The following THY1 variants were observed in gnomAD, a reference collection of about 807,000 sequenced individuals.
THY1 encodes thy-1 membrane glycoprotein.
In THY1, 10 loss-of-function variants were observed where a neutral mutation model predicts 14.9. The observed-to-expected ratio is 0.67, with a 90% CI of 0.41 to 1.14. The LOEUF (loss-of-function observed/expected upper bound fraction) is 1.14, where lower values mean the gene tolerates loss of function less well. Ranked by LOEUF, THY1 falls within the 50% of genes most tolerant of loss-of-function variation. The probability of loss-of-function intolerance (pLI) is 0.00; values close to 1 mark genes in which losing one functional copy is unlikely to be tolerated. For missense variants in THY1, 159 were observed against 202.1 expected (o/e 0.79, Z 1.29); for synonymous variants, 80 against 90.0 (o/e 0.89, Z 0.63).
At chr11:119,421,992 G>A (rs1313168569) in intron 1 of THY1, 1 of 152,258 alleles carries the variant, frequency 6.6e-6, no homozygotes, top group African/African-American at 2.4e-5. Context: ...AGGCGACGCG[G>A]AGCCGGTAGT....
At position 119,419,325 on chromosome 11, in the gene THY1, G is replaced by T. The variant is rs1462723561; in HGVS notation, c.*83C>A. 3.2e-6 allele frequency: 4 copies of T among 1,253,888 alleles called. No homozygotes were observed. Among genetic ancestry groups the T allele is most frequent in the African/African-American group, 3.0e-5 (2 of 67,576 alleles). The allele number at this position is 1,253,888 out of a possible 1,614,324, so 77.7% of individuals were successfully genotyped here. A position where few individuals can be genotyped will look rare whatever the true frequency, so the allele number is the denominator to read the frequency against. On this transcript the variant is annotated 3_prime_UTR_variant, in exon 4 of 4. Coordinates refer to ENST00000284240, the MANE Select transcript of THY1 (RefSeq NM_006288.5). The stretch of plus-strand genomic sequence containing the variant: ...TTCTCCTCAAGGTTTGAGGGATTGG[G>T]GGGAGGGGGTCAGCTGACTCAGAGA...
At chr11:119,423,010 T>A in intron 1 of THY1, 103 bp downstream of exon 1, 2 of 455,560 alleles carry the variant, frequency 4.4e-6, no homozygotes, top group South Asian at 1.6e-5. Flanking sequence ...CCTTCTTCCC[T>A]GGGCGCCCTC....
At position 119,420,361 on chromosome 11, in the gene THY1, C is replaced by A; in HGVS notation, c.63G>T (p.Lys21Asn). Reference protein sequence around the residue: ...LTVLQVSRGQKVTSLTACLVD... With the variant: ...LTVLQVSRGQNVTSLTACLVD... ...CTAGGCAGGCCGTTAGGCTGGTCAC[C>A]TTCTGCCCTCGGGAGACCTGCAAGA... The change falls in exon 3 of 4, where the codon AAG becomes AAT. Residue 21 changes from lysine to asparagine, a missense_variant. Physicochemically the swap from Lys to Asn is moderately conservative, Grantham distance 94 (BLOSUM62 0). Transcript: ENST00000284240. 6.2e-7 allele frequency: 1 copy of A among 1,613,314 alleles called. No homozygotes were observed. The highest frequency in any genetic ancestry group is 8.5e-7 in the Non-Finnish European group (1 of 1,179,828).
rs1861811228 is a variant in THY1, at chr11:119,418,018, T to G, written c.*1390A>C. 2 of 152,280 alleles carry G rather than the reference T, an allele frequency of 1.3e-5. No individual in the cohort carries two copies. The highest frequency in any genetic ancestry group is 4.1e-4 in the South Asian group (2 of 4,834). The allele number at this position is 152,280 out of a possible 1,614,324, so 9.4% of individuals were successfully genotyped here. On this transcript the variant is annotated 3_prime_UTR_variant, in exon 4 of 4. Coordinates refer to ENST00000284240, the MANE Select transcript of THY1 (RefSeq NM_006288.5). The stretch of plus-strand genomic sequence containing the variant: ...GGTCATTCTGAAAAGAAGCCCAGTG[T>G]GCAGTCATTAGCCCCTGGGGTAGCG...
Position 119,416,417 on chromosome 11 carries a change from T to A in THY1, c.*2991A>T, listed in dbSNP as rs1861779092. 6.6e-6 allele frequency among the ~76,000 whole-genome samples: 1 copy of A among 152,244 alleles called. No homozygotes were observed. Among genetic ancestry groups the A allele is most frequent in the South Asian group, 2.1e-4 (1 of 4,834 alleles). On this transcript the variant is annotated 3_prime_UTR_variant, in exon 4 of 4. Transcript: ENST00000284240. ...GGAGGGACCCACGGCTGTCGCGGCC[T>A]GTGGCTGAAAGTCTGCGGGCTCCCA...
chr11:119,423,205 G>A (rs1020866165), upstream of THY1: 2 of 454,316 alleles, frequency 4.4e-6, no homozygotes, highest in Admixed American at 4.7e-5. Flanking sequence ...TTTTCACCGG[G>A]GATGGAGGAG....
rs1861945421 is a variant in THY1, at chr11:119,423,128, C to G, written c.-40G>C. On this transcript the variant is annotated 5_prime_UTR_variant, in exon 1 of 4. Coordinates refer to ENST00000284240, the MANE Select transcript of THY1 (RefSeq NM_006288.5). ...CAGTTCCCACCTGGACTGGGGTCTT[C>G]CGCTGCTGCAGCCTCCTCCAGACGC... 2.2e-6 allele frequency: 1 copy of G among 456,144 alleles called. No individual in the cohort carries two copies. Among genetic ancestry groups the G allele is most frequent in the Non-Finnish European group, 4.4e-6 (1 of 226,902 alleles). 28.3% of individuals were successfully genotyped at this position (456,144 alleles called of 1,614,324 possible). A position where few individuals can be genotyped will look rare whatever the true frequency, so the allele number is the denominator to read the frequency against.
intron 2 of THY1, 21 bp downstream of exon 2, chr11:119,420,848 G>C: frequency 6.2e-7 from 1 of 1,614,134 alleles, no homozygotes; most frequent in Non-Finnish European, 8.5e-7. Context: ...TGGAGCCCCA[G>C]TCCTGCCCCA....
At chr11:119,419,789 T>C in intron 3 of THY1, 1 of 600,418 alleles carries the variant, frequency 1.7e-6, no homozygotes, top group Non-Finnish European at 2.9e-6. Context: ...ATCCCTGTTT[T>C]CCCGCTGGGA....
At position 119,417,007 on chromosome 11, in the gene THY1, G is replaced by A. The variant is rs1861790707; in HGVS notation, c.*2401C>T. Among the ~76,000 whole-genome samples, 2 of 152,234 alleles carry A rather than the reference G, an allele frequency of 1.3e-5. No homozygotes were observed. Among genetic ancestry groups the A allele is most frequent in the Admixed American group, 1.3e-4 (2 of 15,274 alleles). ...AAGACCCCATAGGAAGTGTCACACA[G>A]GTGCGAGGCTTCACACAGTGCCGCT... On this transcript the variant is annotated 3_prime_UTR_variant, in exon 4 of 4. Coordinates refer to ENST00000284240, the MANE Select transcript of THY1 (RefSeq NM_006288.5).
intron 2 of THY1, 40 bp from the exon 3 acceptor site, chr11:119,420,426 C>G: frequency 6.5e-7 from 1 of 1,543,692 alleles, no homozygotes; most frequent in Non-Finnish European, 8.7e-7. Flanking sequence ...GAGGGGCCTG[C>G]GGCACAGGGG....
At chr11:119,424,048 T>A (rs1186802343), upstream of THY1, 2 of 152,344 alleles carry the variant, frequency 1.3e-5, no homozygotes, top group African/African-American at 2.4e-5. Context: ...GGCTGGTAAG[T>A]GGGAGAGCTG....
At position 119,416,304 on chromosome 11, in the gene THY1, G is replaced by C. The variant is rs1861775618; in HGVS notation, c.*3104C>G. ...GGGATGGGGTTGGGGCATGTGTACAGGAACCAGGGCTGGGGGCCAGCCCTC... is the reference window on the plus strand; with the variant it reads ...GGGATGGGGTTGGGGCATGTGTACACGAACCAGGGCTGGGGGCCAGCCCTC... On this transcript the variant is annotated 3_prime_UTR_variant, in exon 4 of 4. Coordinates refer to ENST00000284240, the MANE Select transcript of THY1 (RefSeq NM_006288.5). Among the ~76,000 whole-genome samples the C allele has an allele frequency of 6.6e-6, 1 of 152,084 alleles. No individual in the cohort carries two copies. Among genetic ancestry groups the C allele is most frequent in the African/African-American group, 2.4e-5 (1 of 41,408 alleles).
At chr11:119,419,726 T>C (rs1398302077) in intron 3 of THY1, 2 of 606,648 alleles carry the variant, frequency 3.3e-6, no homozygotes, top group Non-Finnish European at 6.0e-6. Context: ...TATCATCTTA[T>C]GAAAACCTTA....
In THY1 at chr11:119,419,443, A is replaced by C; in HGVS notation, c.451T>G (p.Ser151Ala). Residue 151 changes from serine (S) to alanine (A), a missense_variant, in exon 4 of 4, where the codon TCC becomes GCC. Ser to Ala is a moderately conservative substitution (Grantham distance 99, BLOSUM62 1). Transcript: ENST00000284240. Reference sequence around the variant, plus strand: ...ATGAAATCCGTGGCCTGGAGGAGGGAGAGGGAGAGCAGGAGCAGCAGCAGC... The same window carrying C: ...ATGAAATCCGTGGCCTGGAGGAGGGCGAGGGAGAGCAGGAGCAGCAGCAGC... Reference protein sequence around the residue: ...SWLLLLLLSLSLLQATDFMSL With the variant: ...SWLLLLLLSLALLQATDFMSL 1 of 1,613,934 alleles carries C rather than the reference A, an allele frequency of 6.2e-7. No individual in the cohort carries two copies. Among genetic ancestry groups the C allele is most frequent in the Non-Finnish European group, 8.5e-7 (1 of 1,179,986 alleles).
rs3138090 is a variant in THY1, at chr11:119,422,506, C to A, written c.-25+607G>T. 39,382 of 161,718 alleles carry A rather than the reference C, an allele frequency of 0.24. 5,331 individuals carry two copies. The highest frequency in any genetic ancestry group is 0.31 in the Admixed American group (5,117 of 16,538). 10.0% of individuals were successfully genotyped at this position (161,718 alleles called of 1,614,324 possible). On this transcript the variant is annotated intron_variant, in intron 1 of 3. Coordinates refer to ENST00000284240, the MANE Select transcript of THY1 (RefSeq NM_006288.5). This position sits in a 1 kb window ranked among gnomAD's most constrained non-coding sequence, Gnocchi z 7.0. ...GGTCTGCTCTTCCTCCCTCTCAAGCCCCCGGCGGGCCTCATCCTTAATCCA... is the reference window on the plus strand; with the variant it reads ...GGTCTGCTCTTCCTCCCTCTCAAGCACCCGGCGGGCCTCATCCTTAATCCA...
rs774594193 is a variant in THY1 at position 119,420,241 on chromosome 11, G to A, written c.183C>T (p.His61=). 1.8e-5 allele frequency: 29 copies of A among 1,614,150 alleles called. No individual in the cohort carries two copies. The highest frequency in any genetic ancestry group is 1.5e-4 in the South Asian group (14 of 91,088). ...GCACCCCCACAGTGCCAAAGAGCAC[G>A]TGCTTCTTTGTCTCACGGGTCAGGC... is the stretch of plus-strand genomic sequence containing the variant. ...EFSLTRETKK[H]VLFGTVGVPE... Residue 61 remains histidine, a synonymous_variant, in exon 3 of 4, where the codon CAC becomes CAT. Coordinates refer to ENST00000284240, the MANE Select transcript of THY1 (RefSeq NM_006288.5).
In THY1 at chr11:119,416,237, G is replaced by A. The variant is rs575008966; in HGVS notation, c.*3171C>T. ...GGTATGGACTTAGGTGCTGAAGGGG[G>A]GGGACCCAGGAAAGAGGTTAGGACT... On this transcript the variant is annotated 3_prime_UTR_variant, in exon 4 of 4. Transcript: ENST00000284240. 1.3e-5 allele frequency among the ~76,000 whole-genome samples: 2 copies of A among 152,264 alleles called. No individual in the cohort carries two copies. The highest frequency in any genetic ancestry group is 2.1e-4 in the South Asian group (1 of 4,818).
In THY1 at chr11:119,418,960, G is replaced by C. The variant is rs1175705671; in HGVS notation, c.*448C>G. 3.4e-6 allele frequency: 1 copy of C among 290,508 alleles called. No individual in the cohort carries two copies. The highest frequency in any genetic ancestry group is 2.2e-5 in the African/African-American group (1 of 45,758). The allele number at this position is 290,508 out of a possible 1,614,324, so 18.0% of individuals were successfully genotyped here. On this transcript the variant is annotated 3_prime_UTR_variant, in exon 4 of 4. Transcript: ENST00000284240. ...AGTGCTGTCAGGACAGACCATGTCC[G>C]TGCTAGGCCCAGGCACAGCCCAACC...
Sources: gnomAD v4.1 joint callset for allele counts (sites outside exome capture counted in the v4.1 genomes callset) on GRCh38, gnomAD v4.1.1 for gene constraint, Gnocchi (gnomAD v3.1) non-coding constraint, MANE v1.5 for transcripts, NCBI Gene and HGNC (gene_info 2026-07-23, HGNC 2026-07-21) for gene names.